OSTM1: variants seen among roughly 807,000 people sequenced by gnomAD.
OSTM1 encodes osteopetrosis-associated transmembrane protein 1.
A neutral mutation model predicts 35.4 loss-of-function variants in OSTM1; 26 were observed. The ratio of observed to expected loss-of-function variants is 0.73; its 90% confidence interval spans 0.54 to 1.02. The LOEUF is 1.02. Ranked by LOEUF, OSTM1 falls within the 50% of genes least tolerant of loss-of-function variation. The pLI, the probability that OSTM1 is intolerant of heterozygous loss-of-function variation, is 0.00. For synonymous variants in OSTM1, 181 were observed against 165.0 expected, an observed-to-expected ratio of 1.10 and a Z score of -0.75; for missense variants, 366 against 409.6, an observed-to-expected ratio of 0.89 and a Z score of 0.92.
At chr6:108,070,599 C>T (rs1417489075) in intron 1 of OSTM1, among the ~76,000 whole-genome samples, 56 of 152,198 alleles carry the variant, frequency 3.7e-4, no homozygotes, top group Non-Finnish European at 1.5e-5. Flanking sequence ...AAATACATTA[C>T]ACTGGATAGG....
rs192232328 is a variant in OSTM1, at chr6:108,043,630, G to C, written c.*1155C>G. The C allele has an allele frequency of 1.6e-3, 241 of 152,244 alleles. 1 individual carries two copies. Among genetic ancestry groups the C allele is most frequent in the African/African-American group, 5.5e-3 (229 of 41,540 alleles). The allele number at this position is 152,244 out of a possible 1,614,324, so 9.4% of individuals were successfully genotyped here. A position where few individuals can be genotyped will look rare whatever the true frequency, so the allele number is the denominator to read the frequency against. The stretch of plus-strand genomic sequence containing the variant: ...ACTGTGAACAATTCTGAAACGGAGT[G>C]TTTTTTCTAAAGGCTAATACAAACA... On this transcript the variant is annotated 3_prime_UTR_variant, in exon 6 of 6. Coordinates refer to ENST00000193322, the MANE Select transcript of OSTM1 (RefSeq NM_014028.4).
At chr6:108,053,844 C>T (rs1490935566) in intron 3 of OSTM1, among the ~76,000 whole-genome samples, 2 of 152,076 alleles carry the variant, frequency 1.3e-5, no homozygotes, top group Non-Finnish European at 2.9e-5. Context: ...ATGCTTATAC[C>T]CTAAGCATGT....
chr6:108,065,464 C>T (rs1253288338), intron 1 of OSTM1, among the ~76,000 whole-genome samples: 2 of 151,770 alleles, frequency 1.3e-5, no homozygotes, highest in African/African-American at 4.8e-5. Context: ...TCTCGAACTC[C>T]TGACCTCAGA....
intron 2 of OSTM1, among the ~76,000 whole-genome samples, chr6:108,063,438 A>G (rs905467043): frequency 2.0e-5 from 3 of 152,224 alleles, no homozygotes; most frequent in African/African-American, 4.8e-5. Context: ...CAAGGACTCT[A>G]TAACTTTATT....
chr6:108,056,831 T>C (rs1257556509), intron 2 of OSTM1, among the ~76,000 whole-genome samples: 1 of 152,208 alleles, frequency 6.6e-6, no homozygotes, highest in African/African-American at 2.4e-5. Flanking sequence ...TGAATCTCAT[T>C]CTAACTTCTC....
At chr6:108,049,086 T>G (rs1454067813) in intron 5 of OSTM1, among the ~76,000 whole-genome samples, 167 bp downstream of exon 5, 1 of 152,142 alleles carries the variant, frequency 6.6e-6, no homozygotes, top group Non-Finnish European at 1.5e-5. Context: ...CTTATAAAAT[T>G]TTCACAGATC....
rs1428698854 is a variant in OSTM1 at position 108,074,700 on chromosome 6, A to G, written c.-49T>C. The G allele has an allele frequency of 2.0e-6, 3 of 1,469,840 alleles. No homozygotes were observed. Among genetic ancestry groups the G allele is most frequent in the Non-Finnish European group, 2.7e-6 (3 of 1,118,184 alleles). The allele number at this position is 1,469,840 out of a possible 1,614,324, so 91.0% of individuals were successfully genotyped here. On this transcript the variant is annotated 5_prime_UTR_variant, in exon 1 of 6. Transcript: ENST00000193322. Reference sequence around the variant, plus strand: ...AGCCCACCGCCGCCTCTCCGCCCCCAGCCGGCACCGCGGACAGCCGCCGCT... The same window carrying G: ...AGCCCACCGCCGCCTCTCCGCCCCCGGCCGGCACCGCGGACAGCCGCCGCT...
At chr6:108,071,177 G>A (rs776086225) in intron 1 of OSTM1, among the ~76,000 whole-genome samples, 3 of 150,982 alleles carry the variant, frequency 2.0e-5, no homozygotes, top group Non-Finnish European at 2.9e-5. Context: ...AACAGAGCAA[G>A]ACTCTGTCTC....
chr6:108,058,293 C>T (rs917825691), intron 2 of OSTM1, among the ~76,000 whole-genome samples: 4 of 151,870 alleles, frequency 2.6e-5, no homozygotes, highest in Admixed American at 6.6e-5. Context: ...TGCTGTTTTT[C>T]AAAACTAGTT....
chr6:108,069,126 C>T (rs1371456735), intron 1 of OSTM1, among the ~76,000 whole-genome samples: 1 of 152,198 alleles, frequency 6.6e-6, no homozygotes, highest in Non-Finnish European at 1.5e-5. Context: ...GCATTGGTAG[C>T]ATCTGGGTTT....
chr6:108,065,091 T>C (rs1772353442), intron 1 of OSTM1, among the ~76,000 whole-genome samples: 1 of 151,858 alleles, frequency 6.6e-6, no homozygotes, highest in Non-Finnish European at 1.5e-5. Flanking sequence ...ACTCCTGAAC[T>C]CAAATGATCC....
rs1447467409 is a variant in OSTM1 at position 108,073,135 on chromosome 6, G to A, written c.402+1115C>T. ...ATGACAGATTTATTTTAAATAACAG[G>A]CTGACTTAAAGCAGGATCCAACTAG... On this transcript the variant is annotated intron_variant, in intron 1 of 5. Transcript: ENST00000193322. Among the ~76,000 whole-genome samples the A allele has an allele frequency of 2.6e-5, 4 of 152,146 alleles. No individual in the cohort carries two copies. The East Asian group carries it at 7.7e-4, about 29-fold the overall frequency.
intron 2 of OSTM1, among the ~76,000 whole-genome samples, chr6:108,055,424 T>A (rs1772152962): frequency 6.6e-6 from 1 of 152,164 alleles, no homozygotes; most frequent in Non-Finnish European, 1.5e-5. Flanking sequence ...GCAAGTGATG[T>A]TCCCACCTCA....
Position 108,064,372 on chromosome 6 carries a change from C to T in OSTM1, c.403-73G>A, listed in dbSNP as rs185101486. Reference sequence around the variant, plus strand: ...TTTGCAAACAACTTGAGGCAAAAACCTTACAAAAATAACATTTATTATAAG... The same window carrying T: ...TTTGCAAACAACTTGAGGCAAAAACTTTACAAAAATAACATTTATTATAAG... On this transcript the variant is annotated intron_variant, in intron 1 of 5. Coordinates refer to ENST00000193322, the MANE Select transcript of OSTM1 (RefSeq NM_014028.4). 1.5e-5 allele frequency: 12 copies of T among 811,042 alleles called. No individual in the cohort carries two copies. In the Admixed American group the frequency reaches 1.9e-4, roughly 13 times the overall value. 50.2% of individuals were successfully genotyped at this position (811,042 alleles called of 1,614,324 possible).
intron 1 of OSTM1, among the ~76,000 whole-genome samples, chr6:108,072,424 AG>A (rs1242683528): frequency 4.6e-5 from 7 of 152,124 alleles, no homozygotes; most frequent in Middle Eastern, 3.2e-3. Context: ...ACTTGAGGCC[AG>A]GAGTTCGAGA....
At chr6:108,064,525 AAT>A (rs1475589407) in intron 1 of OSTM1, among the ~76,000 whole-genome samples, 53 of 152,210 alleles carry the variant, frequency 3.5e-4, no homozygotes, top group African/African-American at 1.1e-3. Context: ...TTGTTATCTA[AAT>A]AGTTTGTACC....
chr6:108,072,965 C>T (rs962481367), intron 1 of OSTM1, among the ~76,000 whole-genome samples: 8 of 152,054 alleles, frequency 5.3e-5, no homozygotes, highest in African/African-American at 1.9e-4. Context: ...CGTGCCACCA[C>T]GCCCGGATAA....
intron 3 of OSTM1, among the ~76,000 whole-genome samples, chr6:108,052,511 CTTTTTTTT>C (rs35984071): frequency 9.2e-6 from 1 of 108,126 alleles, no homozygotes; most frequent in African/African-American, 3.6e-5. Context: ...GTAATTTAAC[CTTTTTTTT>C]TTTTTTTTTT....
chr6:108,068,374 T>C (rs1772418592), intron 1 of OSTM1, among the ~76,000 whole-genome samples: 1 of 152,180 alleles, frequency 6.6e-6, no homozygotes, highest in Admixed American at 6.5e-5. Flanking sequence ...AGGCAATCAA[T>C]ATATCCACTT....
Sources: gnomAD v4.1 joint callset for allele counts (sites outside exome capture counted in the v4.1 genomes callset) on GRCh38, gnomAD v4.1.1 for gene constraint, MANE v1.5 for transcripts, NCBI Gene and HGNC (gene_info 2026-07-23, HGNC 2026-07-21) for gene names.